EYS: variants seen among roughly 807,000 people sequenced by gnomAD.
EYS encodes the protein EGF-like photoreceptor maintenance factor, also known as protein eyes shut homolog.
EYS carries 250 observed loss-of-function variants against 282.1 expected under a neutral mutation model. That is an observed-to-expected ratio of 0.89 (90% confidence interval 0.80 to 0.98). The LOEUF (loss-of-function observed/expected upper bound fraction) is 0.98. EYS is among the 50% of genes least tolerant of loss of function. The probability of loss-of-function intolerance (pLI) is 0.00; values close to 1 mark genes in which losing one functional copy is unlikely to be tolerated. For missense variants in EYS, 4,016 were observed against 3,709.0 expected (o/e 1.08, Z -2.15); for synonymous variants, 1,355 against 1,282.9 (o/e 1.06, Z -1.20).
chr6:64,344,866 T>G (rs1166625852), intron 29 of EYS, among the ~76,000 whole-genome samples: 1 of 152,032 alleles, frequency 6.6e-6, no homozygotes, highest in Non-Finnish European at 1.5e-5. Context: ...GCATACAAAA[T>G]CAATGTGCAA....
intron 1 of EYS, among the ~76,000 whole-genome samples, chr6:65,676,865 G>A (rs550763123): frequency 1.3e-5 from 2 of 151,642 alleles, no homozygotes; most frequent in Non-Finnish European, 3.0e-5. Flanking sequence ...ATGACCAAGT[G>A]GGATTTCTCT....
chr6:63,831,819 A>C (rs1051907351), intron 36 of EYS, among the ~76,000 whole-genome samples: 7 of 152,222 alleles, frequency 4.6e-5, no homozygotes, highest in Non-Finnish European at 7.3e-5. Context: ...TTTGGAAGTA[A>C]AGCACTCCTC....
At chr6:64,536,594 C>A (rs546970974) in intron 26 of EYS, among the ~76,000 whole-genome samples, 1 of 152,088 alleles carries the variant, frequency 6.6e-6, no homozygotes, top group African/African-American at 2.4e-5. Flanking sequence ...CCAAATTAAT[C>A]TTTATATTTT....
chr6:64,570,617 A>G (rs184521875), intron 26 of EYS, among the ~76,000 whole-genome samples: 2 of 152,304 alleles, frequency 1.3e-5, no homozygotes, highest in Admixed American at 1.3e-4. Context: ...AGCAAAAAAA[A>G]GCAGGGATTG....
chr6:64,523,846 T>C (rs376673759), intron 26 of EYS, among the ~76,000 whole-genome samples: 4 of 151,814 alleles, frequency 2.6e-5, no homozygotes, highest in East Asian at 3.9e-4. Flanking sequence ...CCCTCCCATC[T>C]GAAATCTTTA....
At chr6:63,993,813 G>A (rs1767711331) in intron 34 of EYS, among the ~76,000 whole-genome samples, 2 of 151,748 alleles carry the variant, frequency 1.3e-5, no homozygotes, top group Admixed American at 6.6e-5. Context: ...GAATTTATAT[G>A]GCACCAAAGG....
chr6:64,933,684 G>A (rs1007662471), intron 15 of EYS, among the ~76,000 whole-genome samples: 1 of 152,082 alleles, frequency 6.6e-6, no homozygotes, highest in African/African-American at 2.4e-5. Flanking sequence ...ACATCCACAC[G>A]TATGTTTATT....
chr6:64,715,606 G>A (rs567945568), intron 22 of EYS, among the ~76,000 whole-genome samples: 2 of 152,186 alleles, frequency 1.3e-5, no homozygotes, highest in South Asian at 2.1e-4. Context: ...TTCTGTGGCT[G>A]GGAAGTAATG....
At chr6:64,573,277 A>G (rs549252302) in intron 26 of EYS, among the ~76,000 whole-genome samples, 13 of 152,258 alleles carry the variant, frequency 8.5e-5, no homozygotes, top group African/African-American at 3.1e-4. Flanking sequence ...ATTTACTCCA[A>G]ATGGATTAAA....
intron 29 of EYS, among the ~76,000 whole-genome samples, chr6:64,324,888 C>T (rs647865): frequency 0.75 from 114,423 of 151,994 alleles, 43,655 homozygotes; most frequent in African/African-American, 0.89. Context: ...AAATGAAATA[C>T]CTAGGAATAC....
At chr6:64,447,902 GA>G in intron 26 of EYS, among the ~76,000 whole-genome samples, 1 of 152,260 alleles carries the variant, frequency 6.6e-6, no homozygotes, top group Non-Finnish European at 1.5e-5. Flanking sequence ...ATTGATTAGG[GA>G]AAAAATTATT....
intron 1 of EYS, among the ~76,000 whole-genome samples, chr6:65,641,366 T>G (rs1767269395): frequency 6.6e-6 from 1 of 152,230 alleles, no homozygotes; most frequent in South Asian, 2.1e-4. Context: ...GGCAATACCC[T>G]GACACAGATG....
At chr6:64,521,790 C>T (rs1777748962) in intron 26 of EYS, among the ~76,000 whole-genome samples, 1 of 151,702 alleles carries the variant, frequency 6.6e-6, no homozygotes, top group Non-Finnish European at 1.5e-5. Context: ...TTATGTTGCT[C>T]TTGAAGTCAG....
At position 64,131,858 on chromosome 6, in the gene EYS, A is replaced by G. The variant is rs555450351; in HGVS notation, c.6425-49856T>C. ...ATGGTGCCATAGACTAACAAGGACAATTGCATTTAACCCTGCAATTAATTC... is the reference window on the plus strand; with the variant it reads ...ATGGTGCCATAGACTAACAAGGACAGTTGCATTTAACCCTGCAATTAATTC... On this transcript the variant is annotated intron_variant, in intron 31 of 42. Transcript: ENST00000503581. Among the ~76,000 whole-genome samples, 8 of 152,290 alleles carry G rather than the reference A, an allele frequency of 5.3e-5. No homozygotes were observed. In the South Asian group the frequency reaches 6.2e-4, roughly 12 times the overall value.
intron 13 of EYS, among the ~76,000 whole-genome samples, chr6:65,011,756 C>A (rs1425187947): frequency 1.3e-5 from 2 of 152,146 alleles, no homozygotes; most frequent in Non-Finnish European, 2.9e-5. Flanking sequence ...CACACACGAC[C>A]AATCAGATAG....
chr6:64,281,215 T>C (rs1184166820), intron 30 of EYS, among the ~76,000 whole-genome samples: 3 of 152,116 alleles, frequency 2.0e-5, no homozygotes, highest in Admixed American at 2.0e-4. Flanking sequence ...TGTATAATTA[T>C]GTAAATTCTA....
intron 26 of EYS, among the ~76,000 whole-genome samples, chr6:64,454,807 T>G (rs1361089084): frequency 6.6e-6 from 1 of 152,150 alleles, no homozygotes; most frequent in Non-Finnish European, 1.5e-5. Flanking sequence ...TAACTCTAAT[T>G]TATATCCTTG....
At chr6:65,041,181 A>T (rs554181497) in intron 13 of EYS, among the ~76,000 whole-genome samples, 128 of 151,810 alleles carry the variant, frequency 8.4e-4, no homozygotes, top group Non-Finnish European at 1.7e-3. Flanking sequence ...AACATTCTTA[A>T]AAAAGGAGAG....
intron 22 of EYS, among the ~76,000 whole-genome samples, chr6:64,686,827 A>ATATATATGTGTGTATATATATATGTGTG (rs1554193106): frequency 7.3e-5 from 3 of 40,860 alleles, no homozygotes; most frequent in African/African-American, 7.6e-5. Flanking sequence ...ATATGTGTAT[A>ATATATATGTGTGTATATATATATGTGTG]TATATATATA....
Sources: allele counts gnomAD v4.1 joint callset (sites outside exome capture counted in the v4.1 genomes callset), GRCh38; gene constraint gnomAD v4.1.1; transcripts MANE v1.5; gene names NCBI Gene and HGNC (gene_info 2026-07-23, HGNC 2026-07-21).